Variants in RAD50 observed in about 807,000 individuals in gnomAD.
RAD50 encodes the protein DNA repair protein RAD50.
A neutral mutation model predicts 168.8 loss-of-function variants in RAD50; 132 were observed. That is an observed-to-expected ratio of 0.78 (90% confidence interval 0.68 to 0.90). The LOEUF (loss-of-function observed/expected upper bound fraction) is 0.90, where lower values mean the gene tolerates loss of function less well. Among genes scored for constraint, RAD50 ranks in the 40% least tolerant of loss-of-function variants. The pLI is 0.00. For missense variants in RAD50, 1,347 were observed against 1,534.4 expected (o/e 0.88, Z 2.04); for synonymous variants, 525 against 497.4 (o/e 1.06, Z -0.74).
At chr5:132,598,225 A>G (rs2149845226) in intron 13 of RAD50, among the ~76,000 whole-genome samples, 1 of 150,716 alleles carries the variant, frequency 6.6e-6, no homozygotes, top group Non-Finnish European at 1.5e-5. Context: ...TTTTTTTTGT[A>G]TTTTTAGTAG....
At chr5:132,612,860 CA>C (rs1183946450) in intron 19 of RAD50, among the ~76,000 whole-genome samples, 1 of 151,956 alleles carries the variant, frequency 6.6e-6, no homozygotes, top group African/African-American at 2.4e-5. Context: ...TCTATGTCTC[CA>C]ATCCACACCA....
At chr5:132,613,701 T>G (rs1282500310) in intron 19 of RAD50, among the ~76,000 whole-genome samples, 2 of 151,074 alleles carry the variant, frequency 1.3e-5, no homozygotes, top group African/African-American at 4.9e-5. Flanking sequence ...CCTCCCGGGT[T>G]CAAGTGATTC....
chr5:132,558,000 G>C (rs955502333), intron 1 of RAD50, among the ~76,000 whole-genome samples: 5 of 151,170 alleles, frequency 3.3e-5, no homozygotes, highest in Admixed American at 3.3e-4. Context: ...GTTGGTGCAC[G>C]ACTGACTTTT....
intron 21 of RAD50, among the ~76,000 whole-genome samples, chr5:132,624,871 C>CAAAAAA (rs10671829): frequency 1.0e-4 from 6 of 57,316 alleles, no homozygotes; most frequent in African/African-American, 3.1e-4. Flanking sequence ...GACCCTGTCT[C>CAAAAAA]AAAAAAAAAA....
In RAD50 at chr5:132,575,632, T is replaced by C. The variant is rs918927022; in HGVS notation, c.214-145T>C. 4 of 739,146 alleles carry C rather than the reference T, an allele frequency of 5.4e-6. No individual in the cohort carries two copies. The African/African-American group carries it at 7.1e-5, about 13-fold the overall frequency. 45.8% of individuals were successfully genotyped at this position (739,146 alleles called of 1,614,324 possible). ...AATTAAACAGTATTCTTCTATATTT[T>C]GGATAGCATGTAAAAATATCACTCA... On this transcript the variant is annotated intron_variant, in intron 2 of 24. Transcript: ENST00000378823.
intron 21 of RAD50, among the ~76,000 whole-genome samples, chr5:132,622,083 C>T (rs1029426990): frequency 6.6e-5 from 10 of 151,980 alleles, no homozygotes; most frequent in African/African-American, 2.4e-4. Context: ...CTTATACTGC[C>T]TATTGAGTTG....
At chr5:132,624,805 C>T (rs976070608) in intron 21 of RAD50, among the ~76,000 whole-genome samples, 1 of 136,318 alleles carries the variant, frequency 7.3e-6, no homozygotes, top group South Asian at 2.4e-4. Flanking sequence ...AAGCCCGTGG[C>T]GGGTTGCAAT....
chr5:132,587,504 T>G, intron 5 of RAD50, 58 bp from the exon 6 acceptor site: 1 of 1,594,704 alleles, frequency 6.3e-7, no homozygotes, highest in South Asian at 1.1e-5. Context: ...CTTGTCTTCA[T>G]CTATCAGCCA....
At chr5:132,600,904 C>T (rs532508084) in intron 13 of RAD50, among the ~76,000 whole-genome samples, 2 of 152,172 alleles carry the variant, frequency 1.3e-5, no homozygotes, top group South Asian at 2.1e-4. Flanking sequence ...CAGAACATCA[C>T]ATTGTACCCC....
intron 11 of RAD50, among the ~76,000 whole-genome samples, chr5:132,593,980 G>A (rs1750746682): frequency 1.3e-5 from 2 of 152,184 alleles, no homozygotes; most frequent in Non-Finnish European, 2.9e-5. Context: ...TTGGTGCTAC[G>A]TAGAGGTAGA....
rs1268505015 is a variant in RAD50 at position 132,591,943 on chromosome 5, G to C, written c.1702G>C (p.Gly568Arg). The C allele has an allele frequency of 2.5e-6, 4 of 1,609,540 alleles. No homozygotes were observed. The Admixed American group carries it at 6.7e-5, about 27-fold the overall frequency. The stretch of plus-strand genomic sequence containing the variant: ...CAGTGATGAATTAACCTCACTGTTG[G>C]GATATTTTCCCAACAAAAAACAGCT... The part of the protein sequence containing the change: ...RHSDELTSLL[G>R]YFPNKKQLED... The change falls in exon 11 of 25, where the codon GGA becomes CGA. Residue 568 changes from glycine to arginine, a missense_variant. Gly to Arg is a moderately radical substitution (Grantham distance 125). Transcript: ENST00000378823.
rs1750020259 is a variant in RAD50, at chr5:132,557,364, A to C, written c.40A>C (p.Ser14Arg). The change falls in exon 1 of 25, where the codon AGT becomes CGT. Residue 14 changes from serine to arginine, a missense_variant. Ser to Arg is a moderately radical substitution (Grantham distance 110). Coordinates refer to ENST00000378823, the MANE Select transcript of RAD50 (RefSeq NM_005732.4). ...IEKMSILGVRSFGIEDKDKQI... is the reference protein window; with the variant it reads ...IEKMSILGVRRFGIEDKDKQI... The stretch of plus-strand genomic sequence containing the variant: ...AAAGATGAGCATTCTGGGCGTGCGG[A>C]GTTTTGGAATAGAGGACAAAGATAA... The C allele has an allele frequency of 6.2e-7, 1 of 1,613,984 alleles. No homozygotes were observed. Among genetic ancestry groups the C allele is most frequent in the African/African-American group, 1.3e-5 (1 of 74,926 alleles).
In RAD50 at chr5:132,591,365, A is replaced by G. The variant is rs763343833; in HGVS notation, c.1594A>G (p.Thr532Ala). ...GGAGATGGAGCAGTTAAACCATCATACAACAACACGTACCCAAATGGAGAT... is the reference window on the plus strand; with the variant it reads ...GGAGATGGAGCAGTTAAACCATCATGCAACAACACGTACCCAAATGGAGAT... ...DQEMEQLNHH[T>A]TTRTQMEMLT... is the part of the protein sequence containing the mutation. The change falls in exon 10 of 25, where the codon ACA becomes GCA. Residue 532 changes from threonine to alanine, a missense_variant. Coordinates refer to ENST00000378823, the MANE Select transcript of RAD50 (RefSeq NM_005732.4). The G allele has an allele frequency of 1.2e-6, 2 of 1,613,988 alleles. No homozygotes were observed. Among genetic ancestry groups the G allele is most frequent in the East Asian group, 2.2e-5 (1 of 44,862 alleles).
intron 13 of RAD50, among the ~76,000 whole-genome samples, chr5:132,596,477 A>G (rs999953703): frequency 1.3e-5 from 2 of 152,246 alleles, no homozygotes; most frequent in African/African-American, 4.8e-5. Flanking sequence ...CAGAAGACAG[A>G]TTTTAAACTA....
intron 21 of RAD50, among the ~76,000 whole-genome samples, chr5:132,632,880 C>G (rs1415538699): frequency 6.6e-6 from 1 of 152,126 alleles, no homozygotes; most frequent in African/African-American, 2.4e-5. Flanking sequence ...TTACATTTCC[C>G]TCTTTACTAG....
intron 16 of RAD50, among the ~76,000 whole-genome samples, chr5:132,608,217 C>T (rs189148185): frequency 3.0e-4 from 46 of 152,310 alleles, no homozygotes; most frequent in African/African-American, 4.3e-4. Context: ...GCAGCAGTGA[C>T]GGGCACCTAT....
rs2149843705 is a variant in RAD50 at position 132,594,930 on chromosome 5, G to A, written c.1855G>A (p.Glu619Lys). The change falls in exon 12 of 25, where the codon GAA becomes AAA. Residue 619 changes from glutamate (E) to lysine (K), a missense_variant. Around this residue, in one of 3 missense-constraint regions of RAD50, gnomAD observed 703 missense variants for 767.7 expected, o/e 0.92. Transcript: ENST00000378823. ...TATAAATAATGAACTAAAAAGAAAG[G>A]AAGAGCAGTTGTCCAGTTACGAAGA... Reference protein sequence around the residue: ...NHINNELKRKEEQLSSYEDKL... With the variant: ...NHINNELKRKKEQLSSYEDKL... 1 of 1,609,464 alleles carries A rather than the reference G, an allele frequency of 6.2e-7. No homozygotes were observed.
At chr5:132,610,016 T>C (rs1395644710) in intron 19 of RAD50, among the ~76,000 whole-genome samples, 1 of 135,692 alleles carries the variant, frequency 7.4e-6, no homozygotes, top group Non-Finnish European at 1.5e-5. Flanking sequence ...TAGATAAATT[T>C]AGGTGTGTGT....
intron 5 of RAD50, among the ~76,000 whole-genome samples, chr5:132,580,400 T>C (rs556062080): frequency 6.6e-6 from 1 of 152,332 alleles, no homozygotes; most frequent in African/African-American, 2.4e-5. Context: ...TTTAGGTCTA[T>C]GTTAGTCTTT....
Sources: allele counts gnomAD v4.1 joint callset (sites outside exome capture counted in the v4.1 genomes callset), GRCh38; gene constraint gnomAD v4.1.1; regional missense constraint gnomAD v4.1.1; transcripts MANE v1.5; gene names NCBI Gene and HGNC (gene_info 2026-07-23, HGNC 2026-07-21).